The following CYP39A1 variants were observed in gnomAD, a reference collection of about 807,000 sequenced individuals.
CYP39A1 encodes cytochrome P450 family 39 subfamily A member 1.
In CYP39A1, 49 loss-of-function variants were observed where a neutral mutation model predicts 58.1. That is an observed-to-expected ratio of 0.84 (90% confidence interval 0.67 to 1.07). The LOEUF (loss-of-function observed/expected upper bound fraction) is 1.07. Among genes scored for constraint, CYP39A1 ranks in the 50% least tolerant of loss-of-function variants. The pLI is 0.00. For synonymous variants in CYP39A1, 209 were observed against 187.6 expected (o/e 1.11, Z -0.93); for missense variants, 531 against 539.4 (o/e 0.98, Z 0.16).
chr6:46,649,013 TTC>T (rs1180357977), intron 1 of CYP39A1, among the ~76,000 whole-genome samples: 2 of 152,214 alleles, frequency 1.3e-5, no homozygotes, highest in Non-Finnish European at 2.9e-5. Context: ...AAACAAAATC[TTC>T]TGTCTCAATT....
chr6:46,597,566 G>A (rs1773240955), intron 7 of CYP39A1, among the ~76,000 whole-genome samples: 1 of 152,004 alleles, frequency 6.6e-6, no homozygotes, highest in Non-Finnish European at 1.5e-5. Context: ...ATTAGCAAAT[G>A]GTCCAACTTC....
chr6:46,648,260 C>G (rs1250731848), intron 1 of CYP39A1, among the ~76,000 whole-genome samples: 1 of 151,974 alleles, frequency 6.6e-6, no homozygotes, highest in Non-Finnish European at 1.5e-5. Context: ...TTGGAACTAA[C>G]CCAAATGTCC....
chr6:46,576,311 T>C (rs1040027069), intron 10 of CYP39A1, among the ~76,000 whole-genome samples: 1 of 152,118 alleles, frequency 6.6e-6, no homozygotes, highest in Non-Finnish European at 1.5e-5. Context: ...GGTGGGGATG[T>C]AGATCCAAAC....
In CYP39A1 at chr6:46,591,041, T is replaced by A. The variant is rs9472784; in HGVS notation, c.1066-2912A>T. Among the ~76,000 whole-genome samples the A allele has an allele frequency of 2.2e-3, 334 of 152,322 alleles. 2 individuals are homozygous for A. The highest frequency in any genetic ancestry group is 7.4e-3 in the African/African-American group (306 of 41,592). On this transcript the variant is annotated intron_variant, in intron 8 of 11. Coordinates refer to ENST00000275016, the MANE Select transcript of CYP39A1 (RefSeq NM_016593.5). ...ATGTTCAGATGACACAGGACATGCA[T>A]ATTTTAAGGCTATAAATGCATGTTA... is the stretch of plus-strand genomic sequence containing the variant.
At chr6:46,634,376 T>C (rs1293071342) in intron 5 of CYP39A1, among the ~76,000 whole-genome samples, 2 of 152,198 alleles carry the variant, frequency 1.3e-5, no homozygotes, top group Non-Finnish European at 2.9e-5. Context: ...CTCGGGTATG[T>C]CTTTTTCACC....
chr6:46,625,408 G>A lies in CYP39A1; in HGVS notation c.931+10C>T. 1 of 1,590,150 alleles carries A rather than the reference G, an allele frequency of 6.3e-7. No individual in the cohort carries two copies. The highest frequency in any genetic ancestry group is 8.6e-7 in the Non-Finnish European group (1 of 1,163,794). On this transcript the variant is annotated intron_variant, in intron 7 of 11. Transcript: ENST00000275016. ...TTAGCTGTGTCTTCCTATATAATAAGGTTTAGTACCTGCTTTGCCAAACAC... is the reference window on the plus strand; with the variant it reads ...TTAGCTGTGTCTTCCTATATAATAAAGTTTAGTACCTGCTTTGCCAAACAC...
chr6:46,616,177 TTCTTTCTTTCTTC>T lies in CYP39A1; in HGVS notation c.931+9228_931+9240del, dbSNP rs1561994015. On this transcript the variant is annotated intron_variant, in intron 7 of 11. Coordinates refer to ENST00000275016, the MANE Select transcript of CYP39A1 (RefSeq NM_016593.5). ...CTTTCTTTCTTTTTTCTTTCTTTCT[TTCTTTCTTTCTTC>T]TTTCCCTCCCTCCCTCCCTCCCTCC... Among the ~76,000 whole-genome samples the T allele has an allele frequency of 1.4e-3, 56 of 39,790 alleles. 3 individuals are homozygous for T. The highest frequency in any genetic ancestry group is 1.9e-3 in the Non-Finnish European group (38 of 19,788). 26.1% of individuals were successfully genotyped at this position (39,790 alleles called of 152,430 possible). A position where few individuals can be genotyped will look rare whatever the true frequency, so the allele number is the denominator to read the frequency against.
intron 10 of CYP39A1, among the ~76,000 whole-genome samples, chr6:46,564,980 C>G (rs1248410321): frequency 6.6e-6 from 1 of 152,108 alleles, no homozygotes; most frequent in African/African-American, 2.4e-5. Flanking sequence ...AAAATAAAAT[C>G]AATATGGTAG....
At chr6:46,604,542 T>C (rs1205319343) in intron 7 of CYP39A1, among the ~76,000 whole-genome samples, 1 of 152,240 alleles carries the variant, frequency 6.6e-6, no homozygotes, top group African/African-American at 2.4e-5. Context: ...AAACCATGTT[T>C]GTCCACCTGA....
At chr6:46,571,573 T>G (rs1434953488) in intron 10 of CYP39A1, among the ~76,000 whole-genome samples, 3 of 152,094 alleles carry the variant, frequency 2.0e-5, no homozygotes, top group African/African-American at 7.2e-5. Context: ...ACATGGAATA[T>G]CTTTTTCCAT....
chr6:46,619,543 A>C (rs1774831278), intron 7 of CYP39A1, among the ~76,000 whole-genome samples: 1 of 152,068 alleles, frequency 6.6e-6, no homozygotes, highest in African/African-American at 2.4e-5. Context: ...GAGTTGGGGA[A>C]AGTGACTTTA....
intron 7 of CYP39A1, among the ~76,000 whole-genome samples, chr6:46,601,222 C>A (rs946432328): frequency 6.6e-6 from 1 of 152,074 alleles, no homozygotes; most frequent in Non-Finnish European, 1.5e-5. Flanking sequence ...TATTTGCAAA[C>A]TAAATCCTAC....
chr6:46,564,147 T>G (rs1227091243), intron 10 of CYP39A1, among the ~76,000 whole-genome samples: 1 of 107,734 alleles, frequency 9.3e-6, no homozygotes, highest in Non-Finnish European at 1.9e-5. Context: ...TCTATTCTAT[T>G]TTATTCTATT....
At chr6:46,600,954 T>C (rs549007172) in intron 7 of CYP39A1, among the ~76,000 whole-genome samples, 1 of 152,292 alleles carries the variant, frequency 6.6e-6, no homozygotes, top group South Asian at 2.1e-4. Context: ...GCTGTACTAA[T>C]TTCAATGGGC....
chr6:46,616,178 TCTTTCTTTCTTCTTTCC>T (rs1561994032), intron 7 of CYP39A1, among the ~76,000 whole-genome samples: 29 of 34,920 alleles, frequency 8.3e-4, no homozygotes, highest in South Asian at 3.9e-3. Flanking sequence ...TTTCTTTCTT[TCTTTCTTTCTTCTTTCC>T]CTCCCTCCCT....
intron 10 of CYP39A1, among the ~76,000 whole-genome samples, chr6:46,558,857 G>T (rs1222200418): frequency 2.6e-5 from 4 of 151,954 alleles, no homozygotes; most frequent in African/African-American, 7.2e-5. Context: ...TTAGCTGGGC[G>T]TGGTGGCACG....
intron 6 of CYP39A1, among the ~76,000 whole-genome samples, chr6:46,627,814 T>A (rs1432914948): frequency 1.3e-5 from 2 of 152,136 alleles, no homozygotes; most frequent in East Asian, 1.9e-4. Context: ...TATAAAATAG[T>A]TAATAAAAGT....
At chr6:46,568,125 G>T (rs911322695) in intron 10 of CYP39A1, among the ~76,000 whole-genome samples, 1 of 152,050 alleles carries the variant, frequency 6.6e-6, no homozygotes, top group Non-Finnish European at 1.5e-5. Context: ...GTATTTCAAT[G>T]GAGTTTTGAT....
intron 6 of CYP39A1, among the ~76,000 whole-genome samples, chr6:46,629,565 A>G (rs186643379): frequency 6.6e-6 from 1 of 152,356 alleles, no homozygotes; most frequent in East Asian, 1.9e-4. Context: ...CAGAATTTCT[A>G]TCCCTTCTCT....
Sources: allele counts gnomAD v4.1 joint callset (sites outside exome capture counted in the v4.1 genomes callset), GRCh38; gene constraint gnomAD v4.1.1; transcripts MANE v1.5; gene names NCBI Gene and HGNC (gene_info 2026-07-23, HGNC 2026-07-21).